The following FREM2 variants were observed in gnomAD, a reference collection of about 807,000 sequenced individuals.
FREM2 encodes the protein FRAS1-related extracellular matrix protein 2.
A neutral mutation model predicts 219.9 loss-of-function variants in FREM2; 119 were observed. The ratio of observed to expected loss-of-function variants is 0.54; its 90% CI spans 0.47 to 0.63. The LOEUF (loss-of-function observed/expected upper bound fraction) is 0.63, where lower values mean the gene tolerates loss of function less well. Ranked by LOEUF, FREM2 falls within the 30% of genes least tolerant of loss-of-function variation. FREM2 has a pLI of 0.00. For synonymous variants in FREM2, 1,562 were observed against 1,522.8 expected (o/e 1.03, Z -0.60); for missense variants, 4,030 against 3,993.6 (o/e 1.01, Z -0.25).
Position 38,689,147 on chromosome 13 carries a change from G to A in FREM2, c.1803G>A (p.Glu601=), listed in dbSNP as rs1869663791. Reference sequence around the variant, plus strand: ...ATTCTCTGCTGCTTTTTGTGCTGGAGTCACCCTTCTTAACTACGGGGCATC... The same window carrying A: ...ATTCTCTGCTGCTTTTTGTGCTGGAATCACCCTTCTTAACTACGGGGCATC... ...SDDSLLLFVL[E]SPFLTTGHLL... is the part of the protein sequence containing the mutation. The change falls in exon 1 of 24, where the codon GAG becomes GAA. Residue 601 remains glutamate, a synonymous_variant. Coordinates refer to ENST00000280481, the MANE Select transcript of FREM2 (RefSeq NM_207361.6). The A allele has an allele frequency of 6.2e-7, 1 of 1,613,732 alleles. No homozygotes were observed. The highest frequency in any genetic ancestry group is 1.3e-5 in the African/African-American group (1 of 74,902).
chr13:38,784,874 A>C (rs1008270991), intron 6 of FREM2, 66 bp downstream of exon 6: 2 of 1,549,514 alleles, frequency 1.3e-6, no homozygotes, highest in African/African-American at 2.7e-5. Flanking sequence ...AACTTTCTAG[A>C]CAGAAAAAAT....
At chr13:38,717,509 G>A (rs1474206335) in intron 2 of FREM2, among the ~76,000 whole-genome samples, 1 of 137,096 alleles carries the variant, frequency 7.3e-6, no homozygotes, top group Non-Finnish European at 1.5e-5. Flanking sequence ...TTCTACCTCT[G>A]GGGTTCAAGT....
intron 6 of FREM2, among the ~76,000 whole-genome samples, chr13:38,829,120 T>C (rs1876410679): frequency 6.6e-6 from 1 of 152,074 alleles, no homozygotes; most frequent in South Asian, 2.1e-4. Context: ...ATTTTACAGG[T>C]GAAGAACTGA....
At chr13:38,701,967 C>T (rs77133007) in intron 2 of FREM2, among the ~76,000 whole-genome samples, 8 of 151,890 alleles carry the variant, frequency 5.3e-5, no homozygotes, top group African/African-American at 1.2e-4. Flanking sequence ...AAATACTTAC[C>T]GAACATTAAA....
At chr13:38,730,254 AAAGGAG>A (rs910973038) in intron 2 of FREM2, among the ~76,000 whole-genome samples, 1 of 152,236 alleles carries the variant, frequency 6.6e-6, no homozygotes, top group Admixed American at 6.5e-5. Flanking sequence ...TTTGTTTAAA[AAAGGAG>A]AAGGAGAGTG....
intron 6 of FREM2, among the ~76,000 whole-genome samples, chr13:38,785,578 G>A (rs989584259): frequency 1.6e-4 from 25 of 152,272 alleles, no homozygotes; most frequent in Non-Finnish European, 3.1e-4. Flanking sequence ...TAAATCTTTC[G>A]GTTTGGAAAG....
In FREM2 at chr13:38,687,107, T is replaced by C. The variant is rs1476180738; in HGVS notation, c.-238T>C. 3.4e-6 allele frequency: 2 copies of C among 590,416 alleles called. No individual in the cohort carries two copies. Among genetic ancestry groups the C allele is most frequent in the South Asian group, 2.1e-5 (1 of 47,396 alleles). 36.6% of individuals were successfully genotyped at this position (590,416 alleles called of 1,614,324 possible). On this transcript the variant is annotated 5_prime_UTR_variant, in exon 1 of 24. Coordinates refer to ENST00000280481, the MANE Select transcript of FREM2 (RefSeq NM_207361.6). The stretch of plus-strand genomic sequence containing the variant: ...TGGAGGGATTCAATTCTCCGCGCGA[T>C]TGAGGCGCTAGCGGCGGAGCTGGAC...
intron 2 of FREM2, among the ~76,000 whole-genome samples, chr13:38,762,969 G>T (rs1047881325): frequency 3.6e-4 from 54 of 152,088 alleles, no homozygotes; most frequent in African/African-American, 1.2e-3. Context: ...TACACTATAA[G>T]ATAGTTTTTA....
intron 6 of FREM2, among the ~76,000 whole-genome samples, chr13:38,820,362 A>G (rs1316384658): frequency 5.3e-5 from 8 of 152,140 alleles, no homozygotes; most frequent in African/African-American, 1.2e-4. Flanking sequence ...AATGCTGGCC[A>G]TGCAATACTA....
chr13:38,882,041 G>A lies in FREM2; in HGVS notation c.*1254G>A, dbSNP rs1030658248. 1 of 152,056 alleles carries A rather than the reference G, an allele frequency of 6.6e-6. No individual in the cohort carries two copies. The highest frequency in any genetic ancestry group is 2.4e-5 in the African/African-American group (1 of 41,396). The allele number at this position is 152,056 out of a possible 1,614,324, so 9.4% of individuals were successfully genotyped here. On this transcript the variant is annotated 3_prime_UTR_variant, in exon 24 of 24. Coordinates refer to ENST00000280481, the MANE Select transcript of FREM2 (RefSeq NM_207361.6). ...CCCCAGTTCAGTGAACTGGTACAAT[G>A]TGGTCCCTCTCAATATTTAAAAATA...
chr13:38,780,385 G>A (rs370445384), intron 4 of FREM2, among the ~76,000 whole-genome samples: 17 of 152,122 alleles, frequency 1.1e-4, no homozygotes, highest in East Asian at 5.8e-4. Flanking sequence ...TTTATATTCC[G>A]GCATGCAGCC....
chr13:38,783,132 A>G lies in FREM2; in HGVS notation c.5704A>G (p.Ile1902Val). 1.2e-6 allele frequency: 2 copies of G among 1,614,018 alleles called. No individual in the cohort carries two copies. Among genetic ancestry groups the G allele is most frequent in the Non-Finnish European group, 1.7e-6 (2 of 1,179,936 alleles). The change falls in exon 5 of 24, where the codon ATT becomes GTT. Residue 1902 changes from isoleucine to valine, a missense_variant. Physicochemically the swap from Ile to Val is conservative, Grantham distance 29. Around this residue, in one of 2 missense-constraint regions of FREM2, gnomAD observed 3,102 missense variants for 2,950.7 expected, o/e 1.05. Coordinates refer to ENST00000280481, the MANE Select transcript of FREM2 (RefSeq NM_207361.6). ...TGAAGAAGATGTTGGTGAGCTGTTC[A>G]TTCCCATCAGGAGGAGCGGAGATGT... is the stretch of plus-strand genomic sequence containing the variant. ...SVEEDVGELFIPIRRSGDVSQ... is the reference protein window; with the variant it reads ...SVEEDVGELFVPIRRSGDVSQ...
intron 6 of FREM2, among the ~76,000 whole-genome samples, chr13:38,818,109 T>C (rs1002736950): frequency 6.6e-6 from 1 of 152,168 alleles, no homozygotes; most frequent in Non-Finnish European, 1.5e-5. Flanking sequence ...ACAGCCATTA[T>C]GGAATACAGT....
chr13:38,753,340 C>A (rs565594251), intron 2 of FREM2, among the ~76,000 whole-genome samples: 106 of 152,220 alleles, frequency 7.0e-4, no homozygotes, highest in African/African-American at 2.3e-3. Context: ...TTTGAGATTA[C>A]AGCCTGTTAA....
intron 2 of FREM2, among the ~76,000 whole-genome samples, chr13:38,720,696 AG>A (rs34673574): frequency 0.51 from 78,234 of 151,918 alleles, 23,217 homozygotes; most frequent in Non-Finnish European, 0.66. Flanking sequence ...GATGCTGAGA[AG>A]GGTTTTGCAA....
At chr13:38,719,341 C>T (rs1417619557) in intron 2 of FREM2, among the ~76,000 whole-genome samples, 1 of 152,186 alleles carries the variant, frequency 6.6e-6, no homozygotes, top group Admixed American at 6.5e-5. Flanking sequence ...CTGCCTCACC[C>T]TCCCGAGTAG....
At chr13:38,716,782 A>G (rs1220872617) in intron 2 of FREM2, among the ~76,000 whole-genome samples, 9 of 152,236 alleles carry the variant, frequency 5.9e-5, no homozygotes, top group Admixed American at 3.3e-4. Flanking sequence ...TGCTGGGATT[A>G]TAGGCGTGAG....
In FREM2 at chr13:38,851,689, C is replaced by T; in HGVS notation, c.6746C>T (p.Thr2249Ile). ...LIRIRDDADK[T>I]VIKFGETKFS... ...TCTTTGTTTCCCACAATTTTAGAGA[C>T]TGTTATTAAATTTGGAGAAACCAAA... The change falls in exon 11 of 24, where the codon ACT becomes ATT. Residue 2249 changes from threonine (T) to isoleucine (I), a missense_variant. Physicochemically the swap from Thr to Ile is moderately conservative, Grantham distance 89 (BLOSUM62 -1). This residue lies in a region of FREM2 where 3,102 missense variants were observed against 2,950.7 expected (regional missense o/e 1.05). Coordinates refer to ENST00000280481, the MANE Select transcript of FREM2 (RefSeq NM_207361.6). 5.6e-6 allele frequency: 9 copies of T among 1,601,472 alleles called. No individual in the cohort carries two copies. Among genetic ancestry groups the T allele is most frequent in the Non-Finnish European group, 6.8e-6 (8 of 1,168,916 alleles).
chr13:38,720,292 C>G (rs991094), intron 2 of FREM2, among the ~76,000 whole-genome samples: 122,280 of 152,188 alleles, frequency 0.8, 49,936 homozygotes, highest in South Asian at 0.89. Flanking sequence ...AAGAAAATCA[C>G]TTAGTACTGT....
Sources: gnomAD v4.1 joint callset for allele counts (sites outside exome capture counted in the v4.1 genomes callset) on GRCh38, gnomAD v4.1.1 for gene constraint, gnomAD v4.1.1 regional missense constraint, MANE v1.5 for transcripts, NCBI Gene and HGNC (gene_info 2026-07-23, HGNC 2026-07-21) for gene names.